Variants in CGGBP1 observed in about 807,000 individuals in gnomAD.
CGGBP1 encodes CGG triplet repeat-binding protein 1.
A neutral mutation model predicts 11.4 loss-of-function variants in CGGBP1; 4 were observed. The ratio of observed to expected loss-of-function variants is 0.35; its 90% CI spans 0.17 to 0.80. CGGBP1 has a LOEUF of 0.80. CGGBP1 is among the 30% of genes least tolerant of loss of function. CGGBP1 has a pLI of 0.52. For missense variants in CGGBP1, 135 were observed against 202.1 expected, an observed-to-expected ratio of 0.67 and a Z score of 2.01; for synonymous variants, 76 against 74.1, an observed-to-expected ratio of 1.03 and a Z score of -0.13.
At chr3:88,126,306 G>C (rs764277893) in intron 2 of CGGBP1, 1 of 1,423,448 alleles carries the variant, frequency 7.0e-7, no homozygotes, top group South Asian at 1.6e-5. Context: ...CAACATTTGT[G>C]AGAAGCAAAT....
At chr3:88,078,942 C>T (rs528885361) in intron 2 of CGGBP1, among the ~76,000 whole-genome samples, 1 of 152,008 alleles carries the variant, frequency 6.6e-6, no homozygotes, top group South Asian at 2.1e-4. Context: ...TGATAAAAAA[C>T]TAACTTTTCA....
At chr3:88,080,640 C>T (rs1484616641) in intron 2 of CGGBP1, among the ~76,000 whole-genome samples, 2 of 152,028 alleles carry the variant, frequency 1.3e-5, no homozygotes, top group Admixed American at 1.3e-4. Flanking sequence ...GCCAATTTAC[C>T]TGCTTTATTT....
At chr3:88,117,122 G>A (rs1705462748) in intron 2 of CGGBP1, among the ~76,000 whole-genome samples, 1 of 151,718 alleles carries the variant, frequency 6.6e-6, no homozygotes, top group Non-Finnish European at 1.5e-5. Flanking sequence ...ATATAGAGAT[G>A]GAACTATCAA....
intron 2 of CGGBP1, among the ~76,000 whole-genome samples, chr3:88,130,617 ATTTTT>A (rs10674029): frequency 7.7e-6 from 1 of 129,206 alleles, no homozygotes; most frequent in African/African-American, 2.9e-5. Context: ...TGCCCAGCTA[ATTTTT>A]TTTTTTTTTT....
Position 88,055,611 on chromosome 3 carries a change from ATCAG to A in CGGBP1, c.362_365del (p.Ala121ValfsTer13), listed in dbSNP as rs1178672539. 1 of 1,614,076 alleles carries A rather than the reference ATCAG, an allele frequency of 6.2e-7. No individual in the cohort carries two copies. Among genetic ancestry groups the A allele is most frequent in the Non-Finnish European group, 8.5e-7 (1 of 1,180,024 alleles). ...ATAGGAAAGCACGGACTGCTGGGTG[ATCAG>A]CCTTCTCAAGTGGGATGTTGGCTTC... is the stretch of plus-strand genomic sequence containing the variant. On this transcript the variant is annotated frameshift_variant, in exon 4 of 4. Coordinates refer to ENST00000482016, the MANE Select transcript of CGGBP1 (RefSeq NM_001008390.2). LOFTEE classifies it high-confidence loss of function. This position sits in a 1 kb window ranked among gnomAD's most constrained non-coding sequence, Gnocchi z 4.2.
intron 2 of CGGBP1, among the ~76,000 whole-genome samples, chr3:88,121,449 C>T (rs1312034666): frequency 6.6e-6 from 1 of 152,028 alleles, no homozygotes; most frequent in Admixed American, 6.6e-5. Context: ...TTTGTAAAAA[C>T]TTTCTATTGA....
chr3:88,078,041 T>G (rs1382342567), intron 2 of CGGBP1, among the ~76,000 whole-genome samples: 1 of 152,198 alleles, frequency 6.6e-6, no homozygotes, highest in Non-Finnish European at 1.5e-5. Flanking sequence ...AAAACATGCT[T>G]AATATGCTAA....
At chr3:88,111,480 C>T (rs1270856353) in intron 2 of CGGBP1, among the ~76,000 whole-genome samples, 1 of 151,736 alleles carries the variant, frequency 6.6e-6, no homozygotes, top group Non-Finnish European at 1.5e-5. Context: ...CTTTGCTTAA[C>T]AATATATCTT....
At chr3:88,083,392 G>T (rs1708180981) in intron 2 of CGGBP1, among the ~76,000 whole-genome samples, 1 of 152,062 alleles carries the variant, frequency 6.6e-6, no homozygotes, top group South Asian at 2.1e-4. Context: ...ACATTTTATA[G>T]TATATACTAT....
chr3:88,074,299 C>T (rs1331943993), intron 2 of CGGBP1, among the ~76,000 whole-genome samples: 1 of 151,194 alleles, frequency 6.6e-6, no homozygotes, highest in Admixed American at 6.6e-5. Flanking sequence ...TCTTTTAGCC[C>T]TCTAAAGGAG....
At chr3:88,132,173 C>G (rs1047927239) in intron 2 of CGGBP1, among the ~76,000 whole-genome samples, 2 of 151,990 alleles carry the variant, frequency 1.3e-5, no homozygotes, top group Non-Finnish European at 2.9e-5. Context: ...AGCCAGGATT[C>G]AAACTTAGGC....
At chr3:88,088,564 A>T (rs1708457424) in intron 2 of CGGBP1, among the ~76,000 whole-genome samples, 1 of 152,220 alleles carries the variant, frequency 6.6e-6, no homozygotes, top group African/African-American at 2.4e-5. Context: ...TGGAAGATGT[A>T]AAGCTGAAGA....
At chr3:88,142,299 A>AAC (rs552356777) in intron 1 of CGGBP1, 149 of 151,884 alleles carry the variant, frequency 9.8e-4, no homozygotes, top group African/African-American at 3.5e-3. Context: ...AACAAAACAA[A>AAC]AAAAACCACA....
chr3:88,061,136 A>G (rs537197011), upstream of CGGBP1, among the ~76,000 whole-genome samples: 5 of 152,284 alleles, frequency 3.3e-5, no homozygotes, highest in Middle Eastern at 3.4e-3. Context: ...AAACCACGCT[A>G]TTGGTAGATT....
At chr3:88,144,998 G>A (rs1247593067) in intron 1 of CGGBP1, among the ~76,000 whole-genome samples, 15 of 151,994 alleles carry the variant, frequency 9.9e-5, no homozygotes, top group Non-Finnish European at 1.5e-5. Context: ...ACTCTCCGAA[G>A]TCAAGACAGT....
rs1486244345 is a variant in CGGBP1 at position 88,106,194 on chromosome 3, T to C, written c.-229+34776A>G. On this transcript the variant is annotated intron_variant, in intron 2 of 3. Coordinates refer to the CGGBP1 transcript ENST00000462901. ...TGGACTAAGATGTTCTTGAAGCCCA[T>C]CTGTGTTTGATTTTTCCTGAGCTGT... Among the ~76,000 whole-genome samples the C allele has an allele frequency of 2.0e-5, 3 of 152,330 alleles. No individual in the cohort carries two copies. In the East Asian group the frequency reaches 5.8e-4, roughly 29 times the overall value.
At chr3:88,091,687 G>C (rs1213636189) in intron 2 of CGGBP1, among the ~76,000 whole-genome samples, 1 of 152,144 alleles carries the variant, frequency 6.6e-6, no homozygotes, top group Non-Finnish European at 1.5e-5. Flanking sequence ...TTGAATCATG[G>C]GGTCGGGTTT....
chr3:88,060,887 T>G (rs1203547382), upstream of CGGBP1, among the ~76,000 whole-genome samples: 2 of 152,156 alleles, frequency 1.3e-5, no homozygotes, highest in East Asian at 3.9e-4. Flanking sequence ...AGGTAAGTTT[T>G]TAATGCTTTA....
chr3:88,082,329 G>C (rs1708121085), intron 2 of CGGBP1, among the ~76,000 whole-genome samples: 1 of 152,194 alleles, frequency 6.6e-6, no homozygotes, highest in Non-Finnish European at 1.5e-5. Flanking sequence ...GTTTCACCAT[G>C]TTGGCTAGGA....
Sources: allele counts gnomAD v4.1 joint callset (sites outside exome capture counted in the v4.1 genomes callset), GRCh38; gene constraint gnomAD v4.1.1; non-coding constraint Gnocchi (gnomAD v3.1); transcripts MANE v1.5; gene names NCBI Gene and HGNC (gene_info 2026-07-23, HGNC 2026-07-21).